The following TMEM182 variants were observed in gnomAD, a reference collection of about 807,000 sequenced individuals.
The protein encoded by TMEM182 is transmembrane protein 182.
Under a neutral mutation model 26.8 loss-of-function variants are expected in TMEM182, and 20 were observed. That is an observed-to-expected ratio of 0.75 (90% CI 0.53 to 1.09). TMEM182 has a LOEUF of 1.09. Ranked by LOEUF, TMEM182 falls within the 50% of genes least tolerant of loss-of-function variation. The pLI, the probability that TMEM182 is intolerant of heterozygous loss-of-function variation, is 0.00. For missense variants in TMEM182, 277 were observed against 275.5 expected (o/e 1.01, Z -0.04); for synonymous variants, 109 against 102.2 (o/e 1.07, Z -0.40).
chr2:102,779,640 A>C (rs572943888), intron 3 of TMEM182, among the ~76,000 whole-genome samples: 2 of 151,960 alleles, frequency 1.3e-5, no homozygotes, highest in Non-Finnish European at 2.9e-5. Context: ...TCATTTTAGT[A>C]ATTATATCTT....
At chr2:102,766,749 G>A (rs1487090334) in intron 3 of TMEM182, among the ~76,000 whole-genome samples, 2 of 152,070 alleles carry the variant, frequency 1.3e-5, no homozygotes, top group Admixed American at 6.6e-5. Context: ...ATACTTGCCA[G>A]GTCACCTTTG....
At chr2:102,780,750 A>G (rs1041721634) in intron 3 of TMEM182, among the ~76,000 whole-genome samples, 2 of 152,084 alleles carry the variant, frequency 1.3e-5, no homozygotes, top group Non-Finnish European at 2.9e-5. Flanking sequence ...CCTTGTTACA[A>G]ACTGTGGAGG....
intron 4 of TMEM182, among the ~76,000 whole-genome samples, chr2:102,811,046 T>C (rs973065214): frequency 7.5e-6 from 1 of 133,984 alleles, no homozygotes; most frequent in African/African-American, 2.9e-5. Flanking sequence ...ATTCCATTAA[T>C]GTCCTCTATA....
Position 102,817,609 on chromosome 2 carries a change from A to G in TMEM182, c.*2641A>G, listed in dbSNP as rs537282176. 1 of 978,402 alleles carries G rather than the reference A, an allele frequency of 1.0e-6. No homozygotes were observed. Among genetic ancestry groups the G allele is most frequent in the Non-Finnish European group, 1.2e-6 (1 of 823,642 alleles). 60.6% of individuals were successfully genotyped at this position (978,402 alleles called of 1,614,324 possible). Reference sequence around the variant, plus strand: ...TGTTAGTATTCATTTAGTCATTTTTATTACTAATCTATAAATATATTTATT... The same window carrying G: ...TGTTAGTATTCATTTAGTCATTTTTGTTACTAATCTATAAATATATTTATT... On this transcript the variant is annotated 3_prime_UTR_variant, in exon 5 of 5. Coordinates refer to ENST00000412401, the MANE Select transcript of TMEM182 (RefSeq NM_144632.5).
At chr2:102,788,608 C>T (rs9973686) in intron 3 of TMEM182, among the ~76,000 whole-genome samples, 6,056 of 152,068 alleles carry the variant, frequency 0.04, 403 homozygotes, top group African/African-American at 0.14. Flanking sequence ...AAGCCTCCCT[C>T]CTAACCCCCA....
intron 3 of TMEM182, among the ~76,000 whole-genome samples, chr2:102,781,771 T>G (rs748981561): frequency 2.6e-5 from 4 of 152,174 alleles, no homozygotes; most frequent in African/African-American, 4.8e-5. Context: ...CAGAGCAATG[T>G]AGAAAAACAT....
At chr2:102,780,956 C>T (rs1382525602) in intron 3 of TMEM182, among the ~76,000 whole-genome samples, 1 of 152,180 alleles carries the variant, frequency 6.6e-6, no homozygotes, top group Admixed American at 6.5e-5. Flanking sequence ...GCTTTTCCAT[C>T]ACTAAGTCTA....
chr2:102,836,941 T>C (rs1196408749), intron 3 of TMEM182, among the ~76,000 whole-genome samples: 5 of 152,204 alleles, frequency 3.3e-5, no homozygotes, highest in Non-Finnish European at 5.9e-5. Flanking sequence ...AATGCTCTGA[T>C]TGGAGACAGG....
chr2:102,841,795 G>A (rs914850071), intron 3 of TMEM182, among the ~76,000 whole-genome samples: 1 of 152,134 alleles, frequency 6.6e-6, no homozygotes, highest in Non-Finnish European at 1.5e-5. Context: ...TTTTCATTGT[G>A]GGAGGTAACT....
At chr2:102,828,448 G>A (rs893658839) in intron 3 of TMEM182, among the ~76,000 whole-genome samples, 4 of 152,182 alleles carry the variant, frequency 2.6e-5, no homozygotes, top group Admixed American at 6.5e-5. Context: ...ATTTTGAAGA[G>A]CAAGGTCGCC....
At position 102,777,604 on chromosome 2, in the gene TMEM182, T is replaced by G. The variant is rs531724967; in HGVS notation, c.331+13177T>G. On this transcript the variant is annotated intron_variant, in intron 3 of 4. Coordinates refer to ENST00000412401, the MANE Select transcript of TMEM182 (RefSeq NM_144632.5). ...TTTTCTACTACGATAGATTTTTAAA[T>G]GTTTAGCTTGCTTTCCTGCAAATAT... 1.6e-4 allele frequency among the ~76,000 whole-genome samples: 25 copies of G among 152,088 alleles called. 1 individual carries two copies. The highest frequency in any genetic ancestry group is 3.4e-4 in the Non-Finnish European group (23 of 67,946).
chr2:102,777,422 C>T (rs917195314), intron 3 of TMEM182, among the ~76,000 whole-genome samples: 1 of 152,008 alleles, frequency 6.6e-6, no homozygotes, highest in African/African-American at 2.4e-5. Flanking sequence ...GAATTTCCTT[C>T]GCCTTTTTGT....
At chr2:102,814,620 G>A (rs1001738712) in intron 4 of TMEM182, 128 bp from the exon 5 acceptor site, 36 of 756,946 alleles carry the variant, frequency 4.8e-5, no homozygotes, top group East Asian at 2.2e-4. Context: ...AAGGTCTGAC[G>A]TAGAGTATTT....
At chr2:102,753,203 C>CA (rs952080915) in intron 1 of TMEM182, among the ~76,000 whole-genome samples, 23 of 151,916 alleles carry the variant, frequency 1.5e-4, no homozygotes, top group African/African-American at 4.1e-4. Context: ...TTCCCCCCCC[C>CA]ACTGCCTTCA....
chr2:102,756,037 T>A (rs1365856924), intron 1 of TMEM182, among the ~76,000 whole-genome samples: 1 of 152,088 alleles, frequency 6.6e-6, no homozygotes, highest in African/African-American at 2.4e-5. Context: ...GGTCATCAGG[T>A]AGATGGAAGA....
intron 3 of TMEM182, chr2:102,834,328 C>A: frequency 1.1e-6 from 1 of 936,380 alleles, no homozygotes; most frequent in East Asian, 1.2e-4. Flanking sequence ...TCTTAGGACT[C>A]GTCTGTTTTT....
upstream of TMEM182, among the ~76,000 whole-genome samples, chr2:102,760,577 C>T (rs1680175132): frequency 6.6e-6 from 1 of 152,066 alleles, no homozygotes; most frequent in South Asian, 2.1e-4. Flanking sequence ...GTGTAACATT[C>T]TATATGGCTT....
In TMEM182 at chr2:102,777,631, C is replaced by G. The variant is rs534582313; in HGVS notation, c.331+13204C>G. On this transcript the variant is annotated intron_variant, in intron 3 of 4. Transcript: ENST00000412401. The stretch of plus-strand genomic sequence containing the variant: ...TTTAGCTTGCTTTCCTGCAAATATG[C>G]TGAATTTACTTATTAGTTCTAGAAA... Among the ~76,000 whole-genome samples the G allele has an allele frequency of 4.6e-5, 7 of 152,098 alleles. No individual in the cohort carries two copies. The South Asian group carries it at 1.5e-3, about 32-fold the overall frequency.
At chr2:102,820,794 A>T (rs180897750), downstream of TMEM182, among the ~76,000 whole-genome samples, 95 of 152,330 alleles carry the variant, frequency 6.2e-4, no homozygotes, top group Non-Finnish European at 2.9e-4. Flanking sequence ...CCCTTGCCTC[A>T]TTATAGTATA....
Sources: allele counts gnomAD v4.1 joint callset (sites outside exome capture counted in the v4.1 genomes callset), GRCh38; gene constraint gnomAD v4.1.1; transcripts MANE v1.5; gene names NCBI Gene and HGNC (gene_info 2026-07-23, HGNC 2026-07-21).